The following ASIC2 variants were observed in gnomAD, a reference collection of about 807,000 sequenced individuals.
The protein encoded by ASIC2 is acid sensing ion channel subunit 2, also known as acid-sensing ion channel 2.
A neutral mutation model predicts 57.3 loss-of-function variants in ASIC2; 25 were observed. That is an observed-to-expected ratio of 0.44 (90% confidence interval 0.32 to 0.61). The LOEUF (loss-of-function observed/expected upper bound fraction) is 0.61, where lower values mean the gene tolerates loss of function less well. ASIC2 is among the 20% of genes least tolerant of loss of function. ASIC2 has a pLI of 0.06. For missense variants in ASIC2, 641 were observed against 738.1 expected, an observed-to-expected ratio of 0.87 and a Z score of 1.52; for synonymous variants, 319 against 307.5, an observed-to-expected ratio of 1.04 and a Z score of -0.39.
chr17:33,138,400 G>A (rs1484370023), intron 1 of ASIC2, among the ~76,000 whole-genome samples: 1 of 152,128 alleles, frequency 6.6e-6, no homozygotes, highest in African/African-American at 2.4e-5. Context: ...GAAAATTGAG[G>A]ACTAGAGAGG....
intron 1 of ASIC2, among the ~76,000 whole-genome samples, chr17:33,250,420 G>A (rs1178811381): frequency 2.0e-5 from 3 of 152,172 alleles, no homozygotes; most frequent in Non-Finnish European, 4.4e-5. Context: ...GCCCAGCAGG[G>A]CCAGGGAAGA....
chr17:33,890,914 T>G (rs1914945536), intron 1 of ASIC2, among the ~76,000 whole-genome samples: 1 of 29,900 alleles, frequency 3.3e-5, no homozygotes, highest in Non-Finnish European at 5.6e-5. Flanking sequence ...GAGAGCTTGG[T>G]AAGCAGCAGA....
At chr17:33,459,567 G>A (rs1912566381) in intron 1 of ASIC2, among the ~76,000 whole-genome samples, 1 of 152,220 alleles carries the variant, frequency 6.6e-6, no homozygotes, top group African/African-American at 2.4e-5. Flanking sequence ...AAAGCATCGA[G>A]GCAAAGAGAG....
At chr17:34,064,458 T>C (rs1333078674) in intron 1 of ASIC2, among the ~76,000 whole-genome samples, 2 of 152,182 alleles carry the variant, frequency 1.3e-5, no homozygotes, top group East Asian at 1.9e-4. Context: ...CTTCTAGACA[T>C]TGGCTTAGTC....
chr17:33,695,432 A>T lies in ASIC2; in HGVS notation c.555+460546T>A, dbSNP rs530135822. Among the ~76,000 whole-genome samples the T allele has an allele frequency of 1.6e-3, 247 of 152,288 alleles. 1 individual carries two copies. The highest frequency in any genetic ancestry group is 5.0e-3 in the African/African-American group (209 of 41,548). ...TTATAGGGCTTTCTGTAGTTTTTTTAAAAAATTAAAAAATACATATGCATG... is the reference window on the plus strand; with the variant it reads ...TTATAGGGCTTTCTGTAGTTTTTTTTAAAAATTAAAAAATACATATGCATG... On this transcript the variant is annotated intron_variant, in intron 1 of 9. Coordinates refer to the ASIC2 transcript ENST00000359872.
intron 1 of ASIC2, among the ~76,000 whole-genome samples, chr17:33,995,188 G>T (rs988590678): frequency 2.6e-5 from 4 of 152,168 alleles, no homozygotes; most frequent in Non-Finnish European, 4.4e-5. Flanking sequence ...ATGGCAGGGA[G>T]ATTTTATCTC....
chr17:33,852,118 G>T (rs1217428146), intron 1 of ASIC2, among the ~76,000 whole-genome samples: 4 of 152,244 alleles, frequency 2.6e-5, no homozygotes, highest in African/African-American at 7.2e-5. Context: ...TAGACAGCCA[G>T]CAGGCTGTGC....
intron 1 of ASIC2, among the ~76,000 whole-genome samples, chr17:33,162,751 G>A (rs1905196755): frequency 6.6e-6 from 1 of 152,164 alleles, no homozygotes; most frequent in Non-Finnish European, 1.5e-5. Context: ...TGCTATTTTT[G>A]TGGGTGTCTA....
At chr17:33,875,792 A>ATT (rs111842009) in intron 1 of ASIC2, among the ~76,000 whole-genome samples, 1 of 147,972 alleles carries the variant, frequency 6.8e-6, no homozygotes, top group African/African-American at 2.5e-5. Context: ...AACTGGATGG[A>ATT]TTTTTTTTTT....
At chr17:33,319,140 G>A (rs1195126325) in intron 1 of ASIC2, among the ~76,000 whole-genome samples, 1 of 152,198 alleles carries the variant, frequency 6.6e-6, no homozygotes, top group Non-Finnish European at 1.5e-5. Context: ...TGAGGCACGA[G>A]AATCACTTGA....
At chr17:33,321,823 G>A (rs1434177543) in intron 1 of ASIC2, among the ~76,000 whole-genome samples, 1 of 152,180 alleles carries the variant, frequency 6.6e-6, no homozygotes, top group African/African-American at 2.4e-5. Flanking sequence ...GAAGCATGCT[G>A]CCAGCTTAAC....
chr17:33,675,297 G>A (rs1907783933), intron 1 of ASIC2, among the ~76,000 whole-genome samples: 1 of 152,182 alleles, frequency 6.6e-6, no homozygotes, highest in Non-Finnish European at 1.5e-5. Context: ...GGCTCAGGGT[G>A]GCTGCAGTGT....
At chr17:33,091,487 T>C (rs1322350687) in intron 2 of ASIC2, among the ~76,000 whole-genome samples, 1 of 152,036 alleles carries the variant, frequency 6.6e-6, no homozygotes. Flanking sequence ...TAAGAAATCT[T>C]ACAGCCAGTA....
chr17:33,977,758 C>T (rs1905447454), intron 1 of ASIC2, among the ~76,000 whole-genome samples: 1 of 152,184 alleles, frequency 6.6e-6, no homozygotes, highest in Non-Finnish European at 1.5e-5. Context: ...ACGTAGGTTT[C>T]CTTTTCTGTC....
chr17:33,537,825 TC>T (rs1915282429), intron 1 of ASIC2, among the ~76,000 whole-genome samples: 1 of 152,090 alleles, frequency 6.6e-6, no homozygotes, highest in South Asian at 2.1e-4. Flanking sequence ...GAGCCTCAGG[TC>T]AGTATCTGTC....
chr17:33,406,215 C>T (rs1852386023), intron 1 of ASIC2, among the ~76,000 whole-genome samples: 1 of 152,108 alleles, frequency 6.6e-6, no homozygotes, highest in East Asian at 1.9e-4. Flanking sequence ...GCTTGATGAG[C>T]AATTGGGAAT....
At chr17:33,193,079 G>T (rs1180672732) in intron 1 of ASIC2, among the ~76,000 whole-genome samples, 2 of 152,134 alleles carry the variant, frequency 1.3e-5, no homozygotes, top group Admixed American at 1.3e-4. Flanking sequence ...AGAACTAACG[G>T]ATTTGAAAGT....
intron 1 of ASIC2, among the ~76,000 whole-genome samples, chr17:33,561,188 T>G (rs1916063396): frequency 6.6e-6 from 1 of 152,334 alleles, no homozygotes; most frequent in Non-Finnish European, 1.5e-5. Context: ...TCCCCACTCA[T>G]GAAGGCCAAC....
intron 1 of ASIC2, among the ~76,000 whole-genome samples, chr17:33,949,477 TAA>T (rs1395472539): frequency 2.0e-5 from 3 of 152,264 alleles, no homozygotes; most frequent in Non-Finnish European, 4.4e-5. Context: ...TGTAAATTTA[TAA>T]GTTTTATTTT....
Sources: gnomAD v4.1 joint callset for allele counts (sites outside exome capture counted in the v4.1 genomes callset) on GRCh38, gnomAD v4.1.1 for gene constraint, MANE v1.5 for transcripts, NCBI Gene and HGNC (gene_info 2026-07-23, HGNC 2026-07-21) for gene names.